MAGI2: variants seen among roughly 807,000 people sequenced by gnomAD.
The protein encoded by MAGI2 is membrane-associated guanylate kinase, WW and PDZ domain-containing protein 2.
Under a neutral mutation model 133.3 loss-of-function variants are expected in MAGI2, and 35 were observed. That is an observed-to-expected ratio of 0.26 (90% CI 0.20 to 0.35). MAGI2 has a LOEUF of 0.35. MAGI2 is among the 10% of genes least tolerant of loss of function. The probability of loss-of-function intolerance (pLI) is 1.00; values close to 1 mark genes in which losing one functional copy is unlikely to be tolerated. For missense variants in MAGI2, 1,636 were observed against 1,863.4 expected (o/e 0.88, Z 2.25); for synonymous variants, 729 against 710.6 (o/e 1.03, Z -0.41).
chr7:78,857,717 T>G (rs1008814407), intron 2 of MAGI2, among the ~76,000 whole-genome samples: 1 of 152,232 alleles, frequency 6.6e-6, no homozygotes, highest in Non-Finnish European at 1.5e-5. Flanking sequence ...AAATTCTCTT[T>G]TTTTGTTGTG....
chr7:78,836,052 C>G (rs184555177), intron 2 of MAGI2, among the ~76,000 whole-genome samples: 1 of 152,116 alleles, frequency 6.6e-6, no homozygotes, highest in Non-Finnish European at 1.5e-5. Flanking sequence ...TGGGTATTCC[C>G]GTAGAATTTT....
At chr7:79,316,040 C>T (rs1428183140) in intron 1 of MAGI2, among the ~76,000 whole-genome samples, 1 of 151,954 alleles carries the variant, frequency 6.6e-6, no homozygotes, top group Non-Finnish European at 1.5e-5. Context: ...AGAATCATAA[C>T]ACTCAGCACA....
chr7:78,087,501 G>C (rs1284555468), intron 20 of MAGI2, among the ~76,000 whole-genome samples: 2 of 149,764 alleles, frequency 1.3e-5, no homozygotes, highest in Non-Finnish European at 3.0e-5. Context: ...CGGTAGAAGA[G>C]ATAAAAAAAG....
At chr7:79,073,851 T>G (rs1278846341) in intron 1 of MAGI2, among the ~76,000 whole-genome samples, 1 of 151,528 alleles carries the variant, frequency 6.6e-6, no homozygotes, top group East Asian at 1.9e-4. Context: ...ATCTCAGAGC[T>G]TTCACATATG....
intron 2 of MAGI2, among the ~76,000 whole-genome samples, chr7:78,963,282 A>G (rs1167826475): frequency 1.3e-5 from 2 of 152,102 alleles, no homozygotes; most frequent in East Asian, 3.9e-4. Flanking sequence ...ACAGACCTTG[A>G]TCTAATTTCC....
At chr7:79,084,562 G>T (rs1278463624) in intron 1 of MAGI2, among the ~76,000 whole-genome samples, 1 of 151,622 alleles carries the variant, frequency 6.6e-6, no homozygotes, top group African/African-American at 2.4e-5. Context: ...TTGTTTTGTG[G>T]CCTAACTTCA....
chr7:78,515,923 A>C (rs1796003014), intron 4 of MAGI2, among the ~76,000 whole-genome samples: 2 of 152,128 alleles, frequency 1.3e-5, no homozygotes, highest in South Asian at 4.1e-4. Context: ...CCTTGTTCTA[A>C]TAATGTTTAC....
At chr7:78,387,027 C>T (rs546086988) in intron 6 of MAGI2, among the ~76,000 whole-genome samples, 3 of 152,166 alleles carry the variant, frequency 2.0e-5, no homozygotes, top group African/African-American at 7.2e-5. Context: ...TCAGAATTAA[C>T]CCTGATAGAC....
At chr7:78,258,477 C>T (rs1793215583) in intron 9 of MAGI2, among the ~76,000 whole-genome samples, 1 of 152,088 alleles carries the variant, frequency 6.6e-6, no homozygotes, top group Non-Finnish European at 1.5e-5. Context: ...TTAGTTGAAT[C>T]CCCCTTGGCT....
intron 21 of MAGI2, among the ~76,000 whole-genome samples, chr7:78,030,791 G>GTA (rs1809490951): frequency 6.7e-6 from 1 of 149,086 alleles, no homozygotes; most frequent in Admixed American, 6.6e-5. Flanking sequence ...GGAATAAATG[G>GTA]TAGAACAGCC....
chr7:78,125,162 C>G (rs1485939631), intron 20 of MAGI2, among the ~76,000 whole-genome samples: 1 of 152,142 alleles, frequency 6.6e-6, no homozygotes, highest in East Asian at 1.9e-4. Flanking sequence ...CCACGCCCGG[C>G]CCCTGCTGTC....
chr7:79,341,548 T>C (rs1840905618), intron 1 of MAGI2, among the ~76,000 whole-genome samples: 1 of 152,022 alleles, frequency 6.6e-6, no homozygotes, highest in Non-Finnish European at 1.5e-5. Flanking sequence ...CCAACAAAAA[T>C]AAAAAGAGGC....
chr7:78,103,070 G>A (rs144273246), intron 20 of MAGI2, among the ~76,000 whole-genome samples: 1 of 152,152 alleles, frequency 6.6e-6, no homozygotes. Context: ...ATATCTACCT[G>A]TTGAAGTCCC....
chr7:78,516,138 A>T (rs986789963), intron 4 of MAGI2, among the ~76,000 whole-genome samples: 1 of 152,226 alleles, frequency 6.6e-6, no homozygotes, highest in Non-Finnish European at 1.5e-5. Flanking sequence ...AAGAGAATTC[A>T]AATGTGGGAA....
At chr7:79,029,120 C>G (rs906391568) in intron 1 of MAGI2, among the ~76,000 whole-genome samples, 1 of 152,088 alleles carries the variant, frequency 6.6e-6, no homozygotes, top group Admixed American at 6.5e-5. Flanking sequence ...TAAAATCATA[C>G]TATGGCAATG....
At chr7:78,061,502 T>C (rs1813270673) in intron 21 of MAGI2, among the ~76,000 whole-genome samples, 1 of 149,474 alleles carries the variant, frequency 6.7e-6, no homozygotes, top group Non-Finnish European at 1.5e-5. Context: ...ACCAGGAGGG[T>C]TGATGGCCCC....
intron 9 of MAGI2, among the ~76,000 whole-genome samples, chr7:78,270,508 T>G (rs1298640305): frequency 6.6e-6 from 1 of 152,192 alleles, no homozygotes; most frequent in Non-Finnish European, 1.5e-5. Context: ...CTAGGTATTT[T>G]ATTATCTTTG....
At chr7:79,112,062 A>G (rs1352105498) in intron 1 of MAGI2, among the ~76,000 whole-genome samples, 1 of 151,984 alleles carries the variant, frequency 6.6e-6, no homozygotes, top group Non-Finnish European at 1.5e-5. Context: ...AGAACCTCTT[A>G]ATACACAACA....
intron 1 of MAGI2, among the ~76,000 whole-genome samples, chr7:79,420,149 G>A (rs1450695751): frequency 1.3e-5 from 2 of 152,006 alleles, no homozygotes; most frequent in Non-Finnish European, 2.9e-5. Context: ...TATTGTCCTG[G>A]AAAGCAGAGT....
Sources: gnomAD v4.1 joint callset for allele counts (sites outside exome capture counted in the v4.1 genomes callset) on GRCh38, gnomAD v4.1.1 for gene constraint, MANE v1.5 for transcripts, NCBI Gene and HGNC (gene_info 2026-07-23, HGNC 2026-07-21) for gene names.